Variants in CNTN1 observed in about 807,000 individuals in gnomAD.
CNTN1 encodes the protein contactin-1.
Under a neutral mutation model 126.4 loss-of-function variants are expected in CNTN1, and 38 were observed. That is an observed-to-expected ratio of 0.30 (90% CI 0.23 to 0.39). CNTN1 has a LOEUF of 0.39. Ranked by LOEUF, CNTN1 falls within the 10% of genes least tolerant of loss-of-function variation. The probability of loss-of-function intolerance (pLI) is 1.00; values close to 1 mark genes in which losing one functional copy is unlikely to be tolerated. For synonymous variants in CNTN1, 413 were observed against 422.6 expected (o/e 0.98, Z 0.28); for missense variants, 1,009 against 1,248.4 (o/e 0.81, Z 2.89).
At chr12:40,908,548 C>G in intron 2 of CNTN1, 55 bp downstream of exon 2, 2 of 1,253,650 alleles carry the variant, frequency 1.6e-6, no homozygotes, top group Non-Finnish European at 2.3e-6. Context: ...AATTGATATG[C>G]GTGTTTATTA....
At chr12:40,717,779 C>T (rs1022243531) in intron 1 of CNTN1, among the ~76,000 whole-genome samples, 6 of 152,138 alleles carry the variant, frequency 3.9e-5, no homozygotes, top group Non-Finnish European at 7.4e-5. Context: ...CATGGGACAC[C>T]TGGTGGATTA....
intron 1 of CNTN1, among the ~76,000 whole-genome samples, chr12:40,739,159 C>T (rs1937826483): frequency 1.3e-5 from 2 of 151,956 alleles, no homozygotes; most frequent in African/African-American, 4.8e-5. Flanking sequence ...GAGACTCTCT[C>T]ACAAATACCT....
At chr12:40,944,217 G>A (rs376580879) in intron 14 of CNTN1, 47 bp downstream of exon 14, 9 of 1,495,952 alleles carry the variant, frequency 6.0e-6, no homozygotes, top group African/African-American at 1.4e-5. Flanking sequence ...TGATTCCTAT[G>A]TGTCTGCATT....
chr12:40,953,887 G>T (rs1242278189), intron 14 of CNTN1, among the ~76,000 whole-genome samples: 1 of 151,878 alleles, frequency 6.6e-6, no homozygotes, highest in Non-Finnish European at 1.5e-5. Context: ...ATTTCATTAA[G>T]AAAGAAAGAA....
intron 3 of CNTN1, among the ~76,000 whole-genome samples, chr12:40,914,038 A>G (rs569029605): frequency 3.9e-4 from 58 of 147,150 alleles, no homozygotes; most frequent in Non-Finnish European, 6.1e-4. Context: ...AGAAGAATCT[A>G]TCTAGTAAAA....
At chr12:40,767,304 CTTTTTTT>C (rs10639318) in intron 1 of CNTN1, among the ~76,000 whole-genome samples, 3 of 89,716 alleles carry the variant, frequency 3.3e-5, no homozygotes, top group African/African-American at 4.5e-5. Context: ...CTGACCTTTC[CTTTTTTT>C]TTTTTTTTTT....
intron 4 of CNTN1, among the ~76,000 whole-genome samples, chr12:40,920,407 G>A (rs1369687824): frequency 6.6e-6 from 1 of 151,806 alleles, no homozygotes; most frequent in Non-Finnish European, 1.5e-5. Flanking sequence ...CCCACTTTGA[G>A]TTTGGCCTGG....
At chr12:41,025,074 A>G (rs1454981215) in intron 20 of CNTN1, 76 bp from the exon 21 acceptor site, 8 of 1,383,284 alleles carry the variant, frequency 5.8e-6, no homozygotes, top group African/African-American at 1.4e-5. Flanking sequence ...ATGGTAATAG[A>G]ACCAGTTGAA....
chr12:40,938,941 T>C (rs1417989599), intron 11 of CNTN1, among the ~76,000 whole-genome samples: 2 of 152,010 alleles, frequency 1.3e-5, no homozygotes, highest in African/African-American at 4.8e-5. Flanking sequence ...GCCCAGCTAA[T>C]TTTTTTGTAT....
chr12:41,048,578 C>A (rs1011261369), intron 23 of CNTN1, among the ~76,000 whole-genome samples: 3 of 152,134 alleles, frequency 2.0e-5, no homozygotes, highest in Non-Finnish European at 2.9e-5. Flanking sequence ...TTTCCTTCCT[C>A]TTCTACATCA....
At chr12:40,790,028 A>G (rs538856544) in intron 1 of CNTN1, among the ~76,000 whole-genome samples, 77 of 152,172 alleles carry the variant, frequency 5.1e-4, no homozygotes, top group Non-Finnish European at 1.0e-3. Flanking sequence ...TAAATCTATT[A>G]TTTTGCTGAT....
At position 40,918,729 on chromosome 12, in the gene CNTN1, C is replaced by T; in HGVS notation, c.185C>T (p.Ser62Leu). Residue 62 changes from serine to leucine, a missense_variant, in exon 4 of 24, where the codon TCA becomes TTA. Transcript: ENST00000551295. ...GAGGAATCACTGGAAGGAAAAGTCT[C>T]ACTCAACTGTAGGGCACGAGCCAGC... The part of the protein sequence containing the change: ...YPEESLEGKV[S>L]LNCRARASPF... 6.2e-7 allele frequency: 1 copy of T among 1,613,728 alleles called. No homozygotes were observed. The highest frequency in any genetic ancestry group is 8.5e-7 in the Non-Finnish European group (1 of 1,179,704).
chr12:40,998,246 A>G (rs920219999), intron 17 of CNTN1, among the ~76,000 whole-genome samples: 1 of 152,198 alleles, frequency 6.6e-6, no homozygotes. Context: ...AATTTAAACA[A>G]ATAGTCTGTA....
intron 15 of CNTN1, among the ~76,000 whole-genome samples, chr12:40,968,299 G>A (rs562255146): frequency 9.1e-4 from 138 of 152,110 alleles, no homozygotes; most frequent in Non-Finnish European, 1.7e-3. Context: ...GGCAATAAAT[G>A]TTTATTCTAT....
chr12:40,840,353 T>C (rs2136579491), intron 1 of CNTN1, among the ~76,000 whole-genome samples: 1 of 152,030 alleles, frequency 6.6e-6, no homozygotes, highest in South Asian at 2.1e-4. Flanking sequence ...AAAGAAAATA[T>C]TACTAGATCT....
chr12:40,912,727 T>C (rs1015169458), intron 3 of CNTN1, among the ~76,000 whole-genome samples: 11 of 152,204 alleles, frequency 7.2e-5, no homozygotes, highest in Non-Finnish European at 1.5e-4. Flanking sequence ...ATTTCCTGTA[T>C]ATTTTTTCAA....
chr12:41,053,306 A>T (rs1195614649), intron 23 of CNTN1, among the ~76,000 whole-genome samples: 1 of 150,056 alleles, frequency 6.7e-6, no homozygotes, highest in Admixed American at 6.7e-5. Context: ...TGGCTGACTA[A>T]ACTTCTAAAC....
intron 12 of CNTN1, among the ~76,000 whole-genome samples, chr12:40,940,535 T>C (rs1011991599): frequency 6.6e-6 from 1 of 152,156 alleles, no homozygotes; most frequent in Non-Finnish European, 1.5e-5. Context: ...ACATGGGAAT[T>C]ATCATCCATA....
chr12:41,064,707 C>T (rs1950012460), intron 23 of CNTN1, among the ~76,000 whole-genome samples: 1 of 152,052 alleles, frequency 6.6e-6, no homozygotes, highest in East Asian at 1.9e-4. Flanking sequence ...ATCCCCCTTT[C>T]ACCCAGTTCA....
Sources: gnomAD v4.1 joint callset for allele counts (sites outside exome capture counted in the v4.1 genomes callset) on GRCh38, gnomAD v4.1.1 for gene constraint, MANE v1.5 for transcripts, NCBI Gene and HGNC (gene_info 2026-07-23, HGNC 2026-07-21) for gene names.